The following NISCH variants were observed in gnomAD, a reference collection of about 807,000 sequenced individuals.
The protein encoded by NISCH is I-1 receptor candidate protein.
In NISCH, 55 loss-of-function variants were observed where a neutral mutation model predicts 138.4. That is an observed-to-expected ratio of 0.40 (90% CI 0.32 to 0.50). The LOEUF is 0.50. NISCH is among the 20% of genes least tolerant of loss of function. The pLI is 0.71. For synonymous variants in NISCH, 860 were observed against 861.5 expected (o/e 1.00, Z 0.03); for missense variants, 1,643 against 2,005.5 (o/e 0.82, Z 3.45).
chr3:52,479,187 A>G (rs1046154358), intron 11 of NISCH, among the ~76,000 whole-genome samples: 4 of 152,102 alleles, frequency 2.6e-5, no homozygotes, highest in Non-Finnish European at 5.9e-5. Flanking sequence ...GACTTTGGGA[A>G]GCTCCCAGGC....
intron 16 of NISCH, 51 bp downstream of exon 16, chr3:52,488,656 T>G (rs1707477788): frequency 7.0e-7 from 1 of 1,434,686 alleles, no homozygotes; most frequent in African/African-American, 1.4e-5. Flanking sequence ...GTCTGGCATG[T>G]GTGTGATCTC....
chr3:52,481,949 A>G lies in NISCH; in HGVS notation c.1528+1654A>G, dbSNP rs548614274. Reference sequence around the variant, plus strand: ...CTCTTTCCTTTTGGTGAGAAACAGCAAAGATCGGACCCCTAAGGACTCTCC... The same window carrying G: ...CTCTTTCCTTTTGGTGAGAAACAGCGAAGATCGGACCCCTAAGGACTCTCC... On this transcript the variant is annotated intron_variant, in intron 13 of 20. Coordinates refer to ENST00000345716, the MANE Select transcript of NISCH (RefSeq NM_007184.4). 268 of 983,476 alleles carry G rather than the reference A, an allele frequency of 2.7e-4. 1 individual carries two copies. The highest frequency in any genetic ancestry group is 3.1e-4 in the Non-Finnish European group (258 of 828,292). 60.9% of individuals were successfully genotyped at this position (983,476 alleles called of 1,614,324 possible). A position where few individuals can be genotyped will look rare whatever the true frequency, so the allele number is the denominator to read the frequency against.
At chr3:52,455,760 A>C in intron 1 of NISCH, 26 bp downstream of exon 1, 1 of 1,328,418 alleles carries the variant, frequency 7.5e-7, no homozygotes, top group Middle Eastern at 2.0e-4. Flanking sequence ...GGGCACCCGA[A>C]GCGGGGGTGG....
chr3:52,456,291 C>A (rs895018011), intron 1 of NISCH, among the ~76,000 whole-genome samples: 6 of 151,744 alleles, frequency 4.0e-5, no homozygotes, highest in African/African-American at 1.5e-4. Context: ...CGGGCGGAGA[C>A]AAGACCGGAG....
At chr3:52,464,230 T>G (rs977167260) in intron 3 of NISCH, among the ~76,000 whole-genome samples, 6 of 151,566 alleles carry the variant, frequency 4.0e-5, no homozygotes, top group Non-Finnish European at 8.8e-5. Flanking sequence ...AAACCCTGTC[T>G]CTACTAAAAA....
chr3:52,461,817 C>G (rs530982801), intron 3 of NISCH, among the ~76,000 whole-genome samples: 2 of 148,936 alleles, frequency 1.3e-5, no homozygotes, highest in African/African-American at 5.0e-5. Flanking sequence ...GAGCCAAGAT[C>G]GTGTCACTGC....
intron 19 of NISCH, 63 bp from the exon 20 acceptor site, chr3:52,491,289 A>G (rs915490146): frequency 3.2e-6 from 5 of 1,547,888 alleles, no homozygotes; most frequent in East Asian, 2.3e-5. Context: ...GGGTGGCTCT[A>G]AGGGGCAGGG....
rs1578296987 is a variant in NISCH, at chr3:52,477,746, G to T, written c.987+104G>T. The T allele has an allele frequency of 5.3e-6, 5 of 941,728 alleles. No homozygotes were observed. The East Asian group carries it at 1.2e-4, about 23-fold the overall frequency. The allele number at this position is 941,728 out of a possible 1,614,324, so 58.3% of individuals were successfully genotyped here. Reference sequence around the variant, plus strand: ...TTGGGAATTGGCCAGGGGTTGTAAGGGCAGGGGTTGCTGTCTTCGCTTTAG... The same window carrying T: ...TTGGGAATTGGCCAGGGGTTGTAAGTGCAGGGGTTGCTGTCTTCGCTTTAG... On this transcript the variant is annotated intron_variant, in intron 9 of 20. Transcript: ENST00000345716.
intron 2 of NISCH, 143 bp downstream of exon 2, chr3:52,458,069 G>A (rs4687614): frequency 0.95 from 571,684 of 598,672 alleles, 273,088 homozygotes; most frequent in East Asian, 0.98. Flanking sequence ...ATATAACTGC[G>A]TTCATTAATA....
chr3:52,473,635 G>T lies in NISCH; in HGVS notation c.670-99G>T, dbSNP rs893011100. On this transcript the variant is annotated intron_variant, in intron 6 of 20. Transcript: ENST00000345716. ...CCATCTCTGAGGATTTGGGTTGCCT[G>T]TCATTGTGCTTTTGTATGGGGGTAG... 9 of 775,932 alleles carry T rather than the reference G, an allele frequency of 1.2e-5. No individual in the cohort carries two copies. In the African/African-American group the frequency reaches 1.2e-4, roughly 10 times the overall value. The allele number at this position is 775,932 out of a possible 1,614,324, so 48.1% of individuals were successfully genotyped here. A position where few individuals can be genotyped will look rare whatever the true frequency, so the allele number is the denominator to read the frequency against.
At position 52,478,476 on chromosome 3, in the gene NISCH, C is replaced by A; in HGVS notation, c.1201C>A (p.Leu401Ile). 1 of 1,614,236 alleles carries A rather than the reference C, an allele frequency of 6.2e-7. No individual in the cohort carries two copies. Among genetic ancestry groups the A allele is most frequent in the Non-Finnish European group, 8.5e-7 (1 of 1,180,048 alleles). The change falls in exon 11 of 21, where the codon CTC becomes ATC. Residue 401 changes from leucine (L) to isoleucine (I), a missense_variant. Transcript: ENST00000345716. ...QMEEVRSIGS[L>I]PCLEHVSLLN... The stretch of plus-strand genomic sequence containing the variant: ...GGAGGAGGTCCGGAGCATAGGCAGC[C>A]TCCCGTGTCTGGAGCACGTGTCTCT...
chr3:52,488,833 C>CAA (rs1395161949), intron 16 of NISCH, among the ~76,000 whole-genome samples: 1 of 152,070 alleles, frequency 6.6e-6, no homozygotes, highest in Non-Finnish European at 1.5e-5. Flanking sequence ...TGTCCTCTCA[C>CAA]AAAATGGGTT....
intron 13 of NISCH, chr3:52,481,485 G>C (rs1417583017): frequency 1.0e-6 from 1 of 985,428 alleles, no homozygotes; most frequent in African/African-American, 1.7e-5. Flanking sequence ...AGCCAGGGAG[G>C]TTATATCACG....
At position 52,478,694 on chromosome 3, in the gene NISCH, T is replaced by C. The variant is rs1184707173; in HGVS notation, c.1302+117T>C. On this transcript the variant is annotated intron_variant, in intron 11 of 20. Transcript: ENST00000345716. Reference sequence around the variant, plus strand: ...TACCCTTGCCTGCTTCAGAAAGAGGTCCTGTCCCTTAGGGGCTTTTCAGTT... The same window carrying C: ...TACCCTTGCCTGCTTCAGAAAGAGGCCCTGTCCCTTAGGGGCTTTTCAGTT... The C allele has an allele frequency of 7.2e-6, 7 of 972,840 alleles. No homozygotes were observed. In the Admixed American group the frequency reaches 1.3e-4, roughly 18 times the overall value. The allele number at this position is 972,840 out of a possible 1,614,324, so 60.3% of individuals were successfully genotyped here.
At chr3:52,472,510 C>T in intron 6 of NISCH, 112 bp downstream of exon 6, 1 of 926,462 alleles carries the variant, frequency 1.1e-6, no homozygotes, top group Non-Finnish European at 1.7e-6. Flanking sequence ...TCGTGTTTGG[C>T]AGTATGTGAC....
At chr3:52,471,032 C>A in intron 4 of NISCH, 125 bp downstream of exon 4, 1 of 902,446 alleles carries the variant, frequency 1.1e-6, no homozygotes, top group Middle Eastern at 2.4e-4. Flanking sequence ...GTGGCCAGGT[C>A]TGAGGAGCTG....
intron 13 of NISCH, chr3:52,480,640 G>T (rs1707245307): frequency 7.0e-7 from 1 of 1,424,614 alleles, no homozygotes; most frequent in African/African-American, 1.4e-5. Flanking sequence ...GCACAAGCAG[G>T]TTGGCTCCTG....
At chr3:52,475,251 A>G (rs1378162486) in intron 7 of NISCH, among the ~76,000 whole-genome samples, 1 of 151,678 alleles carries the variant, frequency 6.6e-6, no homozygotes, top group Non-Finnish European at 1.5e-5. Flanking sequence ...GCTTGCAGAG[A>G]GTGTGTTGGG....
In NISCH at chr3:52,479,815, C is replaced by G. The variant is rs774717775; in HGVS notation, c.1369C>G (p.Gln457Glu). Residue 457 changes from glutamine to glutamate, a missense_variant, in exon 12 of 21, where the codon CAG becomes GAG. Physicochemically the swap from Gln to Glu is conservative, Grantham distance 29. Coordinates refer to ENST00000345716, the MANE Select transcript of NISCH (RefSeq NM_007184.4). Reference sequence around the variant, plus strand: ...CACTGTGGAAGTGCTGAAAGCAATTCAGAAAGCCAAGGAGGTCAAGTCCAA... The same window carrying G: ...CACTGTGGAAGTGCTGAAAGCAATTGAGAAAGCCAAGGAGGTCAAGTCCAA... Reference protein sequence around the residue: ...LDTVEVLKAIQKAKEVKSKLS... With the variant: ...LDTVEVLKAIEKAKEVKSKLS... 94 of 1,613,794 alleles carry G rather than the reference C, an allele frequency of 5.8e-5. 2 individuals carry two copies. The South Asian group carries it at 9.9e-4, about 17-fold the overall frequency.
Sources: gnomAD v4.1 joint callset for allele counts (sites outside exome capture counted in the v4.1 genomes callset) on GRCh38, gnomAD v4.1.1 for gene constraint, MANE v1.5 for transcripts, NCBI Gene and HGNC (gene_info 2026-07-23, HGNC 2026-07-21) for gene names.